Variants in GUCY1A2 observed in about 807,000 individuals in gnomAD.
GUCY1A2 encodes the protein guanylate cyclase 1 soluble subunit alpha 2.
Under a neutral mutation model 63.5 loss-of-function variants are expected in GUCY1A2, and 27 were observed. That is an observed-to-expected ratio of 0.43 (90% CI 0.31 to 0.59). GUCY1A2 has a LOEUF of 0.59. Ranked by LOEUF, GUCY1A2 falls within the 20% of genes least tolerant of loss-of-function variation. The pLI is 0.11. For synonymous variants in GUCY1A2, 364 were observed against 343.5 expected (o/e 1.06, Z -0.66); for missense variants, 768 against 913.3 (o/e 0.84, Z 2.05).
chr11:106,851,825 G>T (rs967877844), intron 4 of GUCY1A2, among the ~76,000 whole-genome samples: 1 of 151,698 alleles, frequency 6.6e-6, no homozygotes, highest in Non-Finnish European at 1.5e-5. Context: ...TATTTCTTTC[G>T]CAATTAGGGT....
At chr11:106,741,660 G>A (rs934632385) in intron 6 of GUCY1A2, among the ~76,000 whole-genome samples, 1 of 152,150 alleles carries the variant, frequency 6.6e-6, no homozygotes, top group East Asian at 1.9e-4. Flanking sequence ...GAAAGCAAAC[G>A]TAATGCTTTT....
At chr11:106,892,983 G>A (rs1262128733) in intron 4 of GUCY1A2, among the ~76,000 whole-genome samples, 1 of 152,124 alleles carries the variant, frequency 6.6e-6, no homozygotes, top group Admixed American at 6.6e-5. Context: ...TGGGGCGGAT[G>A]TATTTCTTTA....
intron 5 of GUCY1A2, among the ~76,000 whole-genome samples, chr11:106,789,556 T>C (rs1414805696): frequency 2.0e-5 from 3 of 152,204 alleles, no homozygotes; most frequent in Non-Finnish European, 4.4e-5. Flanking sequence ...TGATGTTCAC[T>C]TGTGTCTGTG....
At chr11:106,696,076 C>T (rs1862713872) in intron 7 of GUCY1A2, among the ~76,000 whole-genome samples, 1 of 152,126 alleles carries the variant, frequency 6.6e-6, no homozygotes, top group South Asian at 2.1e-4. Flanking sequence ...ATACCTGATA[C>T]CTGCTAGAGA....
chr11:106,752,366 G>C (rs999208451), intron 6 of GUCY1A2, among the ~76,000 whole-genome samples: 1 of 152,022 alleles, frequency 6.6e-6, no homozygotes, highest in Admixed American at 6.6e-5. Context: ...TTATTCAATA[G>C]AATATAGTTT....
intron 4 of GUCY1A2, among the ~76,000 whole-genome samples, chr11:106,929,037 T>C (rs1362032432): frequency 2.6e-5 from 4 of 152,222 alleles, no homozygotes; most frequent in Admixed American, 2.6e-4. Flanking sequence ...CTCTAATAAG[T>C]GATCATAATC....
chr11:106,708,375 T>G (rs1208220471), intron 7 of GUCY1A2, 137 bp downstream of exon 7: 2 of 590,566 alleles, frequency 3.4e-6, no homozygotes, highest in African/African-American at 1.9e-5. Flanking sequence ...ACTATCTATC[T>G]TTTGGGTTTG....
intron 6 of GUCY1A2, among the ~76,000 whole-genome samples, chr11:106,734,916 C>T (rs1448508240): frequency 1.3e-5 from 2 of 151,912 alleles, no homozygotes; most frequent in African/African-American, 4.8e-5. Context: ...TTTTAAACAA[C>T]AGGAAGGAAA....
intron 6 of GUCY1A2, among the ~76,000 whole-genome samples, chr11:106,742,767 G>T (rs1383876755): frequency 6.6e-6 from 1 of 152,124 alleles, no homozygotes; most frequent in Non-Finnish European, 1.5e-5. Flanking sequence ...TTGCCACACT[G>T]TCTTCCACAA....
At chr11:106,746,467 G>A in intron 6 of GUCY1A2, 7 of 675,348 alleles carry the variant, frequency 1.0e-5, no homozygotes, top group South Asian at 3.6e-5. Flanking sequence ...AATGAATAAG[G>A]ATTATACTCA....
chr11:106,827,070 C>G (rs934625808), intron 4 of GUCY1A2: 2 of 1,540,660 alleles, frequency 1.3e-6, no homozygotes, highest in African/African-American at 2.7e-5. Context: ...ACTTTTTCTT[C>G]AAAATTCTAA....
chr11:106,827,904 C>CA (rs1405866760), intron 4 of GUCY1A2: 3 of 1,472,210 alleles, frequency 2.0e-6, no homozygotes, highest in Non-Finnish European at 2.8e-6. Context: ...GCCGGACTCC[C>CA]AGTGGTTTAC....
intron 6 of GUCY1A2, among the ~76,000 whole-genome samples, chr11:106,755,926 T>G (rs1320936370): frequency 1.3e-5 from 2 of 152,218 alleles, no homozygotes; most frequent in African/African-American, 2.4e-5. Context: ...CTGGTTGATC[T>G]GTCTAATGTT....
intron 6 of GUCY1A2, among the ~76,000 whole-genome samples, chr11:106,748,215 A>G (rs1344047303): frequency 6.6e-6 from 1 of 152,184 alleles, no homozygotes; most frequent in African/African-American, 2.4e-5. Flanking sequence ...ATGATAATAG[A>G]GCTATCCTCT....
chr11:106,754,161 A>G (rs1863932568), intron 6 of GUCY1A2, among the ~76,000 whole-genome samples: 1 of 151,824 alleles, frequency 6.6e-6, no homozygotes, highest in Non-Finnish European at 1.5e-5. Context: ...CTGTTTGTCT[A>G]TTATTGGTGT....
rs143751881 is a variant in GUCY1A2 at position 106,745,826 on chromosome 11, G to T, written c.1836+30613C>A. ...CAAACATTTCTTAAATCCTACTATA[G>T]TTCTGTGCTAATGACAGCCAGAGGG... On this transcript the variant is annotated intron_variant, in intron 6 of 7. Transcript: ENST00000526355. Among the ~76,000 whole-genome samples, 1,009 of 152,168 alleles carry T rather than the reference G, an allele frequency of 6.6e-3. 12 individuals carry two copies. The highest frequency in any genetic ancestry group is 0.022 in the African/African-American group (917 of 41,494).
intron 4 of GUCY1A2, among the ~76,000 whole-genome samples, chr11:106,835,139 T>C (rs1314665119): frequency 6.6e-6 from 1 of 151,810 alleles, no homozygotes; most frequent in Non-Finnish European, 1.5e-5. Context: ...ATTTTACGAC[T>C]TGGAATATAA....
intron 4 of GUCY1A2, among the ~76,000 whole-genome samples, chr11:106,904,960 C>G (rs1477478840): frequency 1.3e-5 from 2 of 152,058 alleles, no homozygotes; most frequent in Non-Finnish European, 2.9e-5. Flanking sequence ...TTACAGAAGT[C>G]TAACTCACAA....
chr11:107,007,122 T>TA (rs113342719), intron 1 of GUCY1A2, among the ~76,000 whole-genome samples: 34 of 151,172 alleles, frequency 2.2e-4, no homozygotes, highest in East Asian at 9.7e-4. Flanking sequence ...ATTGGAACCA[T>TA]AAAAAAAAAT....
Sources: allele counts gnomAD v4.1 joint callset (sites outside exome capture counted in the v4.1 genomes callset), GRCh38; gene constraint gnomAD v4.1.1; transcripts MANE v1.5; gene names NCBI Gene and HGNC (gene_info 2026-07-23, HGNC 2026-07-21).